The following SPRY3 variants were observed in gnomAD, a reference collection of about 807,000 sequenced individuals.
SPRY3 encodes the protein protein sprouty homolog 3.
Under a neutral mutation model 20.2 loss-of-function variants are expected in SPRY3, and 15 were observed. The ratio of observed to expected loss-of-function variants is 0.74; its 90% CI spans 0.50 to 1.14. The LOEUF is 1.14. Among genes scored for constraint, SPRY3 ranks in the 50% most tolerant of loss-of-function variants. SPRY3 has a pLI of 0.00. For missense variants in SPRY3, 364 were observed against 363.9 expected, an observed-to-expected ratio of 1.00 and a Z score of 0.00; for synonymous variants, 143 against 136.5, an observed-to-expected ratio of 1.05 and a Z score of -0.33.
intron 1 of SPRY3, among the ~76,000 whole-genome samples, chrX:155,626,062 G>A (rs1401757210): frequency 9.0e-6 from 1 of 110,777 alleles, no homozygotes; most frequent in Non-Finnish European, 1.9e-5. Context: ...ATTTTTCTAG[G>A]GATGGAATTG....
intron 1 of SPRY3, among the ~76,000 whole-genome samples, chrX:155,649,885 A>C (rs1385176175): frequency 8.9e-6 from 1 of 112,003 alleles, no homozygotes; most frequent in Non-Finnish European, 1.9e-5. Flanking sequence ...GTCTCAGCCC[A>C]AAAACTCCTT....
At chrX:155,629,586 T>A (rs112204578) in intron 1 of SPRY3, among the ~76,000 whole-genome samples, 3 of 111,679 alleles carry the variant, frequency 2.7e-5, no homozygotes, top group Non-Finnish European at 5.7e-5. Flanking sequence ...CACCACACTG[T>A]CTTCCACAAT....
At chrX:155,763,280 A>T (rs1423745563) in intron 2 of SPRY3, among the ~76,000 whole-genome samples, 1 of 152,122 alleles carries the variant, frequency 6.6e-6, no homozygotes, top group African/African-American at 2.4e-5. Context: ...TTATTCCTTT[A>T]AACTGACCTC....
At chrX:155,730,916 G>T (rs891514403) in intron 2 of SPRY3, among the ~76,000 whole-genome samples, 2 of 151,946 alleles carry the variant, frequency 1.3e-5, no homozygotes, top group Non-Finnish European at 2.9e-5. Context: ...ATTTACAATA[G>T]CTACAAGTAA....
intron 2 of SPRY3, among the ~76,000 whole-genome samples, chrX:155,761,881 C>T (rs1032202675): frequency 2.0e-5 from 3 of 151,992 alleles, no homozygotes; most frequent in Admixed American, 6.6e-5. Context: ...AACTGTTCCA[C>T]ATGGTAACAC....
intron 2 of SPRY3, among the ~76,000 whole-genome samples, chrX:155,731,906 G>T (rs2091135393): frequency 6.6e-6 from 1 of 152,022 alleles, no homozygotes; most frequent in Non-Finnish European, 1.5e-5. Context: ...GTGAAAGTAA[G>T]ATTAGTATTA....
intron 2 of SPRY3, among the ~76,000 whole-genome samples, chrX:155,732,228 G>A (rs1289371690): frequency 6.6e-6 from 1 of 151,892 alleles, no homozygotes. Context: ...TTTTTACATT[G>A]CAAATCAGTC....
chrX:155,732,588 T>C (rs1314834775), intron 2 of SPRY3, among the ~76,000 whole-genome samples: 1 of 152,062 alleles, frequency 6.6e-6, no homozygotes, highest in African/African-American at 2.4e-5. Context: ...GAAATCAGTT[T>C]GAGGTTCCTC....
At chrX:155,736,159 C>T (rs1159201860) in intron 2 of SPRY3, among the ~76,000 whole-genome samples, 7 of 151,928 alleles carry the variant, frequency 4.6e-5, no homozygotes, top group Non-Finnish European at 8.8e-5. Context: ...TATTCATAAG[C>T]GATATCCAAC....
rs1178134692 is a variant in SPRY3, at chrX:155,700,760, C to G, written c.-282+43735C>G. 3.6e-5 allele frequency among the ~76,000 whole-genome samples: 2 copies of G among 55,532 alleles called. 1 individual carries two copies. The highest frequency in any genetic ancestry group is 2.0e-4 in the African/African-American group (2 of 9,829). The allele number at this position is 55,532 out of a possible 115,157, so 48.2% of individuals were successfully genotyped here. On this transcript the variant is annotated intron_variant, in intron 2 of 3. Coordinates refer to ENST00000675360, the Ensembl canonical transcript of SPRY3. ...TATATCTCCCAATGCTATCCCTCCC[C>G]CCTCCCCTGACCCCACCACAGTCCC...
chrX:155,633,376 T>TAA (rs1170609386), intron 1 of SPRY3, among the ~76,000 whole-genome samples: 281 of 21,083 alleles, frequency 0.013, 22 homozygotes, highest in African/African-American at 0.044. Context: ...CCGTCTCTAC[T>TAA]AAAAAAAAAA....
At position 155,729,504 on chromosome X, in the gene SPRY3, C is replaced by A. The variant is rs187206556; in HGVS notation, c.-281-38458C>A. On this transcript the variant is annotated intron_variant, in intron 2 of 3. Coordinates refer to ENST00000675360, the Ensembl canonical transcript of SPRY3. Reference sequence around the variant, plus strand: ...AATTAAGAAGAAAATTTAAAAATTTCTTGAAACAAATAATAATGGGAACAC... The same window carrying A: ...AATTAAGAAGAAAATTTAAAAATTTATTGAAACAAATAATAATGGGAACAC... Among the ~76,000 whole-genome samples, 4 of 152,044 alleles carry A rather than the reference C, an allele frequency of 2.6e-5. No individual in the cohort carries two copies. The East Asian group carries it at 7.7e-4, about 29-fold the overall frequency.
At chrX:155,620,382 A>C (rs1219757745) in intron 1 of SPRY3, among the ~76,000 whole-genome samples, 1 of 111,813 alleles carries the variant, frequency 8.9e-6, no homozygotes, top group Non-Finnish European at 1.9e-5. Flanking sequence ...ATACTCATAC[A>C]GTCTTCTGCA....
intron 2 of SPRY3, among the ~76,000 whole-genome samples, chrX:155,685,365 A>G (rs2068084352): frequency 9.2e-6 from 1 of 108,390 alleles, no homozygotes. Context: ...TTTTTCCAGT[A>G]AGTCCATGTA....
At chrX:155,617,655 G>C (rs781878389) in intron 1 of SPRY3, among the ~76,000 whole-genome samples, 4 of 111,585 alleles carry the variant, frequency 3.6e-5, no homozygotes, top group African/African-American at 6.5e-5. Flanking sequence ...TGCAGATGTT[G>C]GGACGGGTAA....
chrX:155,623,321 A>C (rs2067877208), intron 1 of SPRY3, among the ~76,000 whole-genome samples: 1 of 111,954 alleles, frequency 8.9e-6, no homozygotes, highest in Admixed American at 9.5e-5. Context: ...CCTGAATTAC[A>C]GTGTCCAAAA....
intron 2 of SPRY3, among the ~76,000 whole-genome samples, chrX:155,747,082 A>G (rs947597611): frequency 4.6e-5 from 7 of 151,914 alleles, no homozygotes; most frequent in African/African-American, 1.4e-4. Flanking sequence ...TCTCTAAATT[A>G]AAGGAGAATC....
intron 2 of SPRY3, among the ~76,000 whole-genome samples, chrX:155,709,823 T>C (rs2090974214): frequency 6.6e-6 from 1 of 151,858 alleles, no homozygotes; most frequent in African/African-American, 2.4e-5. Context: ...TTAATCCATT[T>C]GGATTTGGTT....
chrX:155,724,561 A>T (rs306921), intron 2 of SPRY3, among the ~76,000 whole-genome samples: 32,922 of 151,958 alleles, frequency 0.22, 6,010 homozygotes, highest in African/African-American at 0.53. Flanking sequence ...ATTCTCTTTG[A>T]AGCAATTGTG....
Sources: allele counts gnomAD v4.1 joint callset (sites outside exome capture counted in the v4.1 genomes callset), GRCh38; gene constraint gnomAD v4.1.1; transcripts MANE v1.5; gene names NCBI Gene and HGNC (gene_info 2026-07-23, HGNC 2026-07-21).